The following SELENOT variants were observed in gnomAD, a reference collection of about 807,000 sequenced individuals.
SELENOT encodes the protein thioredoxin reductase-like selenoprotein T.
SELENOT carries 9 observed loss-of-function variants against 24.3 expected under a neutral mutation model. That is an observed-to-expected ratio of 0.37 (90% CI 0.22 to 0.65). SELENOT has a LOEUF of 0.65. Ranked by LOEUF, SELENOT falls within the 30% of genes least tolerant of loss-of-function variation. The pLI, the probability that SELENOT is intolerant of heterozygous loss-of-function variation, is 0.60. For synonymous variants in SELENOT, 81 were observed against 86.0 expected, an observed-to-expected ratio of 0.94 and a Z score of 0.32; for missense variants, 166 against 247.6, an observed-to-expected ratio of 0.67 and a Z score of 2.21.
chr3:150,611,201 A>G, intron 1 of SELENOT: 4 of 826,938 alleles, frequency 4.8e-6, no homozygotes, highest in Non-Finnish European at 3.9e-6. Flanking sequence ...GAACATTTCT[A>G]CATGTGAAAA....
At position 150,623,134 on chromosome 3, in the gene SELENOT, G is replaced by C. The variant is rs761764542; in HGVS notation, c.340G>C (p.Ala114Pro). The C allele has an allele frequency of 3.1e-6, 5 of 1,605,396 alleles. No homozygotes were observed. Among genetic ancestry groups the C allele is most frequent in the Non-Finnish European group, 4.3e-6 (5 of 1,176,154 alleles). ...TCCTTTTGCTTTCTTTGGCATGCAAGCTCCTAGCATCTGGCAGTGGGGCCA... is the reference window on the plus strand; with the variant it reads ...TCCTTTTGCTTTCTTTGGCATGCAACCTCCTAGCATCTGGCAGTGGGGCCA... The part of the protein sequence containing the change: ...KDPFAFFGMQ[A>P]PSIWQWGQEN... Residue 114 changes from alanine (A) to proline (P), a missense_variant, in exon 3 of 6, where the codon GCT (alanine) becomes CCT (proline). Physicochemically the swap from Ala to Pro is conservative, Grantham distance 27. Coordinates refer to ENST00000471696, the MANE Select transcript of SELENOT (RefSeq NM_016275.5).
At chr3:150,624,950 T>C (rs1454586438) in intron 4 of SELENOT, 51 bp downstream of exon 4, 1 of 984,592 alleles carries the variant, frequency 1.0e-6, no homozygotes, top group Non-Finnish European at 1.5e-6. Flanking sequence ...TGATTTATAA[T>C]GAGTATCAAG....
chr3:150,609,152 T>C (rs564437391), intron 1 of SELENOT, among the ~76,000 whole-genome samples: 1 of 152,254 alleles, frequency 6.6e-6, no homozygotes, highest in East Asian at 1.9e-4. Context: ...GCTCTTACTA[T>C]TTTGAGGTAT....
chr3:150,626,301 T>C (rs1559899545), intron 4 of SELENOT, among the ~76,000 whole-genome samples: 1 of 152,236 alleles, frequency 6.6e-6, no homozygotes, highest in African/African-American at 2.4e-5. Context: ...CTCTGCATGA[T>C]CTATTTCAGT....
chr3:150,627,178 A>C lies in SELENOT; in HGVS notation c.*29+15A>C. 6.3e-7 allele frequency: 1 copy of C among 1,581,184 alleles called. No homozygotes were observed. The highest frequency in any genetic ancestry group is 8.6e-7 in the Non-Finnish European group (1 of 1,159,012). ...AAAACTCTTTTGTAAGTTGTTTAAAATATAGCTAATGTATAGGTTTCTGTT... is the reference window on the plus strand; with the variant it reads ...AAAACTCTTTTGTAAGTTGTTTAAACTATAGCTAATGTATAGGTTTCTGTT... On this transcript the variant is annotated intron_variant, in intron 5 of 5. Transcript: ENST00000471696.
chr3:150,617,543 A>T (rs958286469), intron 1 of SELENOT, among the ~76,000 whole-genome samples: 1 of 152,004 alleles, frequency 6.6e-6, no homozygotes, highest in Non-Finnish European at 1.5e-5. Context: ...TTGTACTTTT[A>T]CCTGTTGGTT....
At chr3:150,606,700 C>A (rs1725972951) in intron 1 of SELENOT, among the ~76,000 whole-genome samples, 1 of 152,066 alleles carries the variant, frequency 6.6e-6, no homozygotes, top group Non-Finnish European at 1.5e-5. Flanking sequence ...TCAAGAGATT[C>A]TCATGCCTCA....
At chr3:150,625,761 A>G (rs1726426090) in intron 4 of SELENOT, among the ~76,000 whole-genome samples, 1 of 152,218 alleles carries the variant, frequency 6.6e-6, no homozygotes, top group African/African-American at 2.4e-5. Context: ...TATATTATAT[A>G]AGTACCTACA....
intron 1 of SELENOT, among the ~76,000 whole-genome samples, chr3:150,619,522 T>A (rs1486527809): frequency 6.6e-6 from 1 of 151,812 alleles, no homozygotes; most frequent in Non-Finnish European, 1.5e-5. Flanking sequence ...GGCAACAGAG[T>A]GAGACTGTCT....
intron 2 of SELENOT, among the ~76,000 whole-genome samples, chr3:150,622,796 G>A (rs1576534359): frequency 6.6e-6 from 1 of 152,138 alleles, no homozygotes; most frequent in South Asian, 2.1e-4. Flanking sequence ...ATTAAATTCT[G>A]TATTTCATAA....
At chr3:150,608,654 T>G (rs1446443966) in intron 1 of SELENOT, among the ~76,000 whole-genome samples, 1 of 152,180 alleles carries the variant, frequency 6.6e-6, no homozygotes, top group Non-Finnish European at 1.5e-5. Flanking sequence ...AGTATGCTTA[T>G]TGGTATCAAT....
rs878859579 is a variant in SELENOT, at chr3:150,614,411, GT to G, written c.138-7960del. Among the ~76,000 whole-genome samples the G allele has an allele frequency of 3.2e-3, 457 of 144,036 alleles. 1 individual carries two copies. The highest frequency in any genetic ancestry group is 4.3e-3 in the African/African-American group (169 of 39,362). 94.5% of individuals were successfully genotyped at this position (144,036 alleles called of 152,430 possible). A position where few individuals can be genotyped will look rare whatever the true frequency, so the allele number is the denominator to read the frequency against. ...CAGATGTGACTAGAAATGGAGGTGG[GT>G]TTTTTTTTTTTTTAATGGAGGATTT... On this transcript the variant is annotated intron_variant, in intron 1 of 5. Transcript: ENST00000471696.
chr3:150,625,085 G>A (rs1287549257), intron 4 of SELENOT, among the ~76,000 whole-genome samples, 186 bp downstream of exon 4: 1 of 149,466 alleles, frequency 6.7e-6, no homozygotes, highest in East Asian at 2.0e-4. Flanking sequence ...TTTTTAATTT[G>A]CTCCCTCAAC....
At chr3:150,611,245 T>C in intron 1 of SELENOT, 1 of 1,160,398 alleles carries the variant, frequency 8.6e-7, no homozygotes, top group Non-Finnish European at 1.3e-6. Flanking sequence ...AAGTTTTTAG[T>C]CTCAATTCCA....
At chr3:150,606,071 T>C (rs950599178) in intron 1 of SELENOT, among the ~76,000 whole-genome samples, 6 of 151,996 alleles carry the variant, frequency 3.9e-5, no homozygotes, top group African/African-American at 1.5e-4. Context: ...AATAGCAACA[T>C]AGTGCTGAGA....
At chr3:150,607,875 T>C (rs6779448) in intron 1 of SELENOT, among the ~76,000 whole-genome samples, 115,364 of 152,076 alleles carry the variant, frequency 0.76, 44,453 homozygotes, top group East Asian at 1. Flanking sequence ...CGTTTGGTTT[T>C]CTTGTGGAAA....
chr3:150,619,663 G>C (rs1726297272), intron 1 of SELENOT, among the ~76,000 whole-genome samples: 1 of 152,230 alleles, frequency 6.6e-6, no homozygotes, highest in Non-Finnish European at 1.5e-5. Flanking sequence ...TGTACTGAGA[G>C]AGGCAGTTTT....
chr3:150,618,458 A>C (rs906790077), intron 1 of SELENOT, among the ~76,000 whole-genome samples: 1 of 152,248 alleles, frequency 6.6e-6, no homozygotes, highest in Admixed American at 6.5e-5. Context: ...TAGGTTTGAT[A>C]TAAGTAGGCA....
At chr3:150,624,464 C>A (rs1199282399) in intron 3 of SELENOT, among the ~76,000 whole-genome samples, 1 of 152,142 alleles carries the variant, frequency 6.6e-6, no homozygotes, top group African/African-American at 2.4e-5. Context: ...GAAACATATA[C>A]AGGTTGTATT....
Sources: allele counts gnomAD v4.1 joint callset (sites outside exome capture counted in the v4.1 genomes callset), GRCh38; gene constraint gnomAD v4.1.1; transcripts MANE v1.5; gene names NCBI Gene and HGNC (gene_info 2026-07-23, HGNC 2026-07-21).